Variants in CCBE1 observed in about 807,000 individuals in gnomAD.
The protein encoded by CCBE1 is collagen and calcium-binding EGF domain-containing protein 1.
CCBE1 carries 37 observed loss-of-function variants against 50.0 expected under a neutral mutation model. The observed-to-expected ratio is 0.74, with a 90% confidence interval of 0.57 to 0.97. The LOEUF is 0.97. Among genes scored for constraint, CCBE1 ranks in the 50% least tolerant of loss-of-function variants. CCBE1 has a pLI of 0.00. For synonymous variants in CCBE1, 234 were observed against 203.7 expected, an observed-to-expected ratio of 1.15 and a Z score of -1.27; for missense variants, 538 against 523.8, an observed-to-expected ratio of 1.03 and a Z score of -0.26.
chr18:59,586,543 T>C (rs2053180384), intron 2 of CCBE1, among the ~76,000 whole-genome samples: 1 of 152,110 alleles, frequency 6.6e-6, no homozygotes, highest in Non-Finnish European at 1.5e-5. Flanking sequence ...AAAACTAAAA[T>C]ATCCCTTCAT....
At chr18:59,670,951 AAAT>A (rs2054421964) in intron 2 of CCBE1, among the ~76,000 whole-genome samples, 1 of 152,182 alleles carries the variant, frequency 6.6e-6, no homozygotes, top group Non-Finnish European at 1.5e-5. Flanking sequence ...TGTCTCAAAA[AAAT>A]AATAATTTTC....
chr18:59,693,431 TA>T (rs1465720018), intron 2 of CCBE1, among the ~76,000 whole-genome samples: 1 of 152,192 alleles, frequency 6.6e-6, no homozygotes, highest in Non-Finnish European at 1.5e-5. Context: ...AGCCAGGGCT[TA>T]ACTGTACACC....
Position 59,562,162 on chromosome 18 carries a change from T to C in CCBE1, c.213-81924A>G, listed in dbSNP as rs573351438. On this transcript the variant is annotated intron_variant, in intron 2 of 10. Transcript: ENST00000439986. ...TAAAACAGTGAAATTCTATCAAAAA[T>C]CCATTACCTCCCTTAGTCCTTTTAG... 5.9e-5 allele frequency among the ~76,000 whole-genome samples: 9 copies of C among 152,210 alleles called. No individual in the cohort carries two copies. In the East Asian group the frequency reaches 1.5e-3, roughly 26 times the overall value.
chr18:59,568,877 T>C (rs986419488), intron 2 of CCBE1, among the ~76,000 whole-genome samples: 3 of 152,196 alleles, frequency 2.0e-5, no homozygotes, highest in Non-Finnish European at 4.4e-5. Flanking sequence ...GTAAAGGACA[T>C]GGGCAGGCCA....
intron 7 of CCBE1, among the ~76,000 whole-genome samples, chr18:59,442,125 T>A (rs1420174496): frequency 1.3e-5 from 2 of 152,028 alleles, no homozygotes; most frequent in Non-Finnish European, 2.9e-5. Context: ...AGATCACCTA[T>A]CTCCAAAAAC....
At chr18:59,450,880 T>C (rs1429967202) in intron 6 of CCBE1, among the ~76,000 whole-genome samples, 1 of 152,100 alleles carries the variant, frequency 6.6e-6, no homozygotes, top group African/African-American at 2.4e-5. Context: ...GGAAGACCCA[T>C]TTTATAGAGT....
At chr18:59,458,268 A>G (rs1166049405) in intron 5 of CCBE1, among the ~76,000 whole-genome samples, 2 of 152,154 alleles carry the variant, frequency 1.3e-5, no homozygotes, top group Admixed American at 1.3e-4. Flanking sequence ...TTATCCATCT[A>G]TGGAGCATCT....
At chr18:59,454,815 A>G in intron 6 of CCBE1, 36 bp downstream of exon 6, 1 of 1,553,256 alleles carries the variant, frequency 6.4e-7, no homozygotes. Flanking sequence ...CCCTCCTTCC[A>G]TCAGGCATCA....
At chr18:59,458,154 A>T (rs1247042568) in intron 5 of CCBE1, among the ~76,000 whole-genome samples, 1 of 148,782 alleles carries the variant, frequency 6.7e-6, no homozygotes, top group East Asian at 3.0e-4. Context: ...CCATCTATCC[A>T]TCCATCCAAC....
rs115256627 is a variant in CCBE1, at chr18:59,561,815, G to A, written c.213-81577C>T. On this transcript the variant is annotated intron_variant, in intron 2 of 10. Coordinates refer to ENST00000439986, the MANE Select transcript of CCBE1 (RefSeq NM_133459.4). ...AAGGGAGAGCCGGCTGTGCAGCTGT[G>A]TGTGAGGGCGGCCAGCTCAAGCAGC... is the stretch of plus-strand genomic sequence containing the variant. 6.6e-3 allele frequency among the ~76,000 whole-genome samples: 1,012 copies of A among 152,318 alleles called. 11 individuals carry two copies. Among genetic ancestry groups the A allele is most frequent in the African/African-American group, 0.023 (937 of 41,560 alleles).
intron 2 of CCBE1, among the ~76,000 whole-genome samples, chr18:59,505,786 A>G (rs926477425): frequency 1.3e-5 from 2 of 152,254 alleles, no homozygotes; most frequent in African/African-American, 2.4e-5. Flanking sequence ...GGGAGATAAG[A>G]TAAGTTCATG....
Position 59,469,623 on chromosome 18 carries a change from G to C in CCBE1, c.266-16C>G, listed in dbSNP as rs1379096337. On this transcript the variant is annotated splice_polypyrimidine_tract_variant and intron_variant, in intron 3 of 10. Coordinates refer to ENST00000439986, the MANE Select transcript of CCBE1 (RefSeq NM_133459.4). ...ACGTCGTAATCTGAAAAAGCAAAGT[G>C]AGAGCTCACATCAACTACAGGAGGA... 3 of 1,613,828 alleles carry C rather than the reference G, an allele frequency of 1.9e-6. No individual in the cohort carries two copies. Among genetic ancestry groups the C allele is most frequent in the Non-Finnish European group, 2.5e-6 (3 of 1,180,022 alleles).
intron 2 of CCBE1, among the ~76,000 whole-genome samples, chr18:59,539,891 T>G (rs1485538094): frequency 2.0e-5 from 3 of 152,242 alleles, no homozygotes; most frequent in African/African-American, 4.8e-5. Context: ...GAGTCTTGTT[T>G]GCTTTTGAAA....
intron 2 of CCBE1, among the ~76,000 whole-genome samples, chr18:59,510,571 G>A (rs532836149): frequency 4.6e-5 from 7 of 152,054 alleles, no homozygotes; most frequent in South Asian, 2.1e-4. Flanking sequence ...ATAGGTGCCC[G>A]CCACCACACC....
chr18:59,482,164 G>A (rs760748105), intron 2 of CCBE1, among the ~76,000 whole-genome samples: 4 of 152,136 alleles, frequency 2.6e-5, no homozygotes, highest in Non-Finnish European at 5.9e-5. Context: ...TCCTGTGTTC[G>A]TTTGCTGAGT....
At chr18:59,492,983 T>G (rs540139069) in intron 2 of CCBE1, among the ~76,000 whole-genome samples, 3 of 152,356 alleles carry the variant, frequency 2.0e-5, no homozygotes, top group African/African-American at 7.2e-5. Context: ...CCCACCACAC[T>G]GTGGGCAGTT....
At chr18:59,594,340 G>A (rs2144543859) in intron 2 of CCBE1, among the ~76,000 whole-genome samples, 1 of 152,362 alleles carries the variant, frequency 6.6e-6, no homozygotes, top group East Asian at 1.9e-4. Flanking sequence ...CAGGGCTAGT[G>A]TAGTCAAATT....
At chr18:59,442,174 A>G (rs1910461256) in intron 7 of CCBE1, among the ~76,000 whole-genome samples, 1 of 152,204 alleles carries the variant, frequency 6.6e-6, no homozygotes, top group Non-Finnish European at 1.5e-5. Flanking sequence ...AACTATCATC[A>G]GACAGGCACA....
chr18:59,484,813 T>C (rs977807911), intron 2 of CCBE1, among the ~76,000 whole-genome samples: 1 of 152,182 alleles, frequency 6.6e-6, no homozygotes, highest in Admixed American at 6.5e-5. Flanking sequence ...TTATTTTGCA[T>C]GTGAAACACC....
Sources: allele counts gnomAD v4.1 joint callset (sites outside exome capture counted in the v4.1 genomes callset), GRCh38; gene constraint gnomAD v4.1.1; transcripts MANE v1.5; gene names NCBI Gene and HGNC (gene_info 2026-07-23, HGNC 2026-07-21).